Variants in SETD3 observed in about 807,000 individuals in gnomAD.
SETD3 encodes the protein SET domain containing 3, actin N3(tau)-histidine methyltransferase, also known as actin-histidine N-methyltransferase.
SETD3 carries 19 observed loss-of-function variants against 63.0 expected under a neutral mutation model. The observed-to-expected ratio is 0.30, with a 90% CI of 0.21 to 0.44. The LOEUF (loss-of-function observed/expected upper bound fraction) is 0.44. SETD3 is among the 20% of genes least tolerant of loss of function. SETD3 has a pLI of 1.00. For missense variants in SETD3, 587 were observed against 728.5 expected, an observed-to-expected ratio of 0.81 and a Z score of 2.24; for synonymous variants, 286 against 264.1, an observed-to-expected ratio of 1.08 and a Z score of -0.80.
intron 4 of SETD3, among the ~76,000 whole-genome samples, chr14:99,459,859 T>C (rs1894973002): frequency 6.6e-6 from 1 of 152,246 alleles, no homozygotes; most frequent in Admixed American, 6.5e-5. Context: ...AAACCAAGAA[T>C]GTCTTCACCT....
At chr14:99,408,099 A>G (rs1389512526) in intron 8 of SETD3, among the ~76,000 whole-genome samples, 1 of 152,188 alleles carries the variant, frequency 6.6e-6, no homozygotes, top group African/African-American at 2.4e-5. Context: ...CTTGCTAATA[A>G]GGTATCAATA....
At chr14:99,479,598 G>A (rs1173794622) in intron 1 of SETD3, among the ~76,000 whole-genome samples, 2 of 152,146 alleles carry the variant, frequency 1.3e-5, no homozygotes, top group Admixed American at 6.5e-5. Context: ...AAGAAAAACG[G>A]GAGAGGGAGA....
rs60698845 is a variant in SETD3 at position 99,435,744 on chromosome 14, CTT to C, written c.676-21812_676-21811del. Among the ~76,000 whole-genome samples, 769 of 130,766 alleles carry C rather than the reference CTT, an allele frequency of 5.9e-3. 4 individuals are homozygous for C. The highest frequency in any genetic ancestry group is 0.024 in the East Asian group (106 of 4,432). 85.8% of individuals were successfully genotyped at this position (130,766 alleles called of 152,430 possible). Reference sequence around the variant, plus strand: ...CAAGGCAGGTTCCCCACCCCCCCACCTTTTTTTTTTTTTTTGTAAGTATGGAA... The same window carrying C: ...CAAGGCAGGTTCCCCACCCCCCCACCTTTTTTTTTTTTTGTAAGTATGGAA... On this transcript the variant is annotated intron_variant, in intron 6 of 12. Coordinates refer to ENST00000331768, the MANE Select transcript of SETD3 (RefSeq NM_032233.3).
intron 4 of SETD3, among the ~76,000 whole-genome samples, chr14:99,460,222 A>G (rs1894993874): frequency 6.6e-6 from 1 of 152,194 alleles, no homozygotes; most frequent in Non-Finnish European, 1.5e-5. Context: ...TATCTAATAT[A>G]CCAGCATGTG....
At chr14:99,451,350 T>C (rs1407933929) in intron 6 of SETD3, among the ~76,000 whole-genome samples, 1 of 152,218 alleles carries the variant, frequency 6.6e-6, no homozygotes, top group East Asian at 1.9e-4. Context: ...CAAACTGACA[T>C]AAATTTTAGC....
intron 6 of SETD3, among the ~76,000 whole-genome samples, chr14:99,421,369 T>C (rs1436333625): frequency 6.6e-6 from 1 of 152,024 alleles, no homozygotes; most frequent in Non-Finnish European, 1.5e-5. Flanking sequence ...TAATTCAGGA[T>C]AACTACGTTG....
chr14:99,440,599 A>G (rs933254692), intron 6 of SETD3, among the ~76,000 whole-genome samples: 1 of 152,148 alleles, frequency 6.6e-6, no homozygotes, highest in Admixed American at 6.5e-5. Flanking sequence ...AGGACTCAGG[A>G]GTGGAACGTG....
chr14:99,404,363 T>C, intron 10 of SETD3, 53 bp from the exon 11 acceptor site: 1 of 1,522,732 alleles, frequency 6.6e-7, no homozygotes, highest in Non-Finnish European at 9.1e-7. Context: ...ACCCACTTGC[T>C]CCAAACTGAG....
At chr14:99,406,957 T>A (rs1891715690) in intron 8 of SETD3, among the ~76,000 whole-genome samples, 1 of 152,234 alleles carries the variant, frequency 6.6e-6, no homozygotes, top group Non-Finnish European at 1.5e-5. Context: ...GCCTCCTTTC[T>A]GTTCACTGAC....
At chr14:99,448,203 C>T (rs1014808284) in intron 6 of SETD3, among the ~76,000 whole-genome samples, 1 of 152,076 alleles carries the variant, frequency 6.6e-6, no homozygotes, top group Non-Finnish European at 1.5e-5. Context: ...TCTCCCATTC[C>T]CCATTTGAAA....
chr14:99,471,722 T>C (rs950072540), intron 1 of SETD3, among the ~76,000 whole-genome samples: 2 of 152,206 alleles, frequency 1.3e-5, no homozygotes, highest in East Asian at 1.9e-4. Context: ...TTACATTTAA[T>C]AAGAGAGACT....
At chr14:99,466,650 C>T (rs1229951765) in intron 1 of SETD3, among the ~76,000 whole-genome samples, 1 of 149,942 alleles carries the variant, frequency 6.7e-6, no homozygotes, top group Non-Finnish European at 1.5e-5. Context: ...AAGACAGGGA[C>T]AGGACTAGAA....
chr14:99,478,393 G>A (rs1896082845), intron 1 of SETD3, among the ~76,000 whole-genome samples: 1 of 152,140 alleles, frequency 6.6e-6, no homozygotes, highest in African/African-American at 2.4e-5. Flanking sequence ...CAGGGAACAG[G>A]CAAACCAGTC....
intron 8 of SETD3, among the ~76,000 whole-genome samples, chr14:99,408,041 C>A (rs1164842482): frequency 6.6e-6 from 1 of 152,196 alleles, no homozygotes; most frequent in Non-Finnish European, 1.5e-5. Flanking sequence ...TTTTGACCTA[C>A]TCATTTTATC....
chr14:99,430,107 G>C (rs569086074), intron 6 of SETD3, among the ~76,000 whole-genome samples: 32 of 152,348 alleles, frequency 2.1e-4, no homozygotes, highest in African/African-American at 7.7e-4. Context: ...AGTTTCCCAG[G>C]TGACTTATGC....
At chr14:99,458,713 G>A (rs1189904421) in intron 5 of SETD3, among the ~76,000 whole-genome samples, 178 bp from the exon 6 acceptor site, 1 of 149,444 alleles carries the variant, frequency 6.7e-6, no homozygotes, top group African/African-American at 2.5e-5. Context: ...CAAGGTGGGA[G>A]GATTGCTTGA....
At chr14:99,482,412 A>G (rs1433894734), upstream of SETD3, among the ~76,000 whole-genome samples, 1 of 152,204 alleles carries the variant, frequency 6.6e-6, no homozygotes, top group East Asian at 1.9e-4. Flanking sequence ...GACGTTTAAT[A>G]AGCCCTCTGT....
At chr14:99,451,876 A>G (rs1261839929) in intron 6 of SETD3, among the ~76,000 whole-genome samples, 1 of 152,044 alleles carries the variant, frequency 6.6e-6, no homozygotes, top group Non-Finnish European at 1.5e-5. Flanking sequence ...GTTACACACT[A>G]TTATCTGTTG....
At chr14:99,410,289 A>G in intron 8 of SETD3, 2 of 1,609,730 alleles carry the variant, frequency 1.2e-6, no homozygotes, top group South Asian at 1.1e-5. Flanking sequence ...GGTTGTTCGG[A>G]GAGACTTGTC....
Sources: gnomAD v4.1 joint callset for allele counts (sites outside exome capture counted in the v4.1 genomes callset) on GRCh38, gnomAD v4.1.1 for gene constraint, MANE v1.5 for transcripts, NCBI Gene and HGNC (gene_info 2026-07-23, HGNC 2026-07-21) for gene names.